USP30: variants seen among roughly 807,000 people sequenced by gnomAD.
USP30 encodes the protein ubiquitin carboxyl-terminal hydrolase 30.
A neutral mutation model predicts 68.2 loss-of-function variants in USP30; 41 were observed. The observed-to-expected ratio is 0.60, with a 90% CI of 0.47 to 0.78. The LOEUF (loss-of-function observed/expected upper bound fraction) is 0.78, where lower values mean the gene tolerates loss of function less well. Ranked by LOEUF, USP30 falls within the 30% of genes least tolerant of loss-of-function variation. The pLI is 0.00. For synonymous variants in USP30, 229 were observed against 253.7 expected (o/e 0.90, Z 0.93); for missense variants, 522 against 649.4 (o/e 0.80, Z 2.13).
At position 109,052,630 on chromosome 12, in the gene USP30, G is replaced by GCGGCGA. The variant is rs2135692080; in HGVS notation, c.-44_-43insACGGCG. On this transcript the variant is annotated 5_prime_UTR_variant, in exon 1 of 13. Coordinates refer to ENST00000257548, the MANE Select transcript of USP30 (RefSeq NM_032663.5). ...CGTCGTATCCCTCGGTCCGGCGGCG[G>GCGGCGA]CGGCGGCGGTAGCGGAGGAGACGGT... The GCGGCGA allele has an allele frequency of 6.9e-7, 1 of 1,449,782 alleles. No individual in the cohort carries two copies. Among genetic ancestry groups the GCGGCGA allele is most frequent in the Admixed American group, 2.7e-5 (1 of 37,134 alleles). The allele number at this position is 1,449,782 out of a possible 1,614,324, so 89.8% of individuals were successfully genotyped here. A position where few individuals can be genotyped will look rare whatever the true frequency, so the allele number is the denominator to read the frequency against.
chr12:109,057,840 C>T (rs2040922987), intron 2 of USP30, 86 bp from the exon 3 acceptor site: 6 of 1,425,704 alleles, frequency 4.2e-6, no homozygotes, highest in Non-Finnish European at 5.7e-6. Context: ...TTTAAGGCCA[C>T]AGCGCAGGAA....
chr12:109,028,630 A>C (rs1206653883), intron 3 of USP30, among the ~76,000 whole-genome samples: 1 of 152,138 alleles, frequency 6.6e-6, no homozygotes, highest in Non-Finnish European at 1.5e-5. Flanking sequence ...GGCGTGTGCC[A>C]ACACGCCTGG....
At chr12:109,075,327 A>G (rs77530307) in intron 7 of USP30, among the ~76,000 whole-genome samples, 381 of 152,164 alleles carry the variant, frequency 2.5e-3, no homozygotes, top group African/African-American at 8.8e-3. Flanking sequence ...CCTTCTCTCC[A>G]CACCCTCGGC....
intron 1 of USP30, among the ~76,000 whole-genome samples, chr12:109,055,709 A>T (rs1398773234): frequency 4.6e-5 from 7 of 150,908 alleles, no homozygotes; most frequent in Non-Finnish European, 1.5e-5. Flanking sequence ...AATAAATATT[A>T]TTGAGAACCT....
chr12:109,055,399 T>TAC (rs2040830410), intron 1 of USP30, among the ~76,000 whole-genome samples: 2 of 47,002 alleles, frequency 4.3e-5, no homozygotes, highest in Non-Finnish European at 8.5e-5. Flanking sequence ...TATATATATA[T>TAC]ATTTTTTTTT....
chr12:109,057,840 C>A, intron 2 of USP30, 86 bp from the exon 3 acceptor site: 1 of 1,425,704 alleles, frequency 7.0e-7, no homozygotes, highest in Non-Finnish European at 9.5e-7. Context: ...TTTAAGGCCA[C>A]AGCGCAGGAA....
intron 4 of USP30, among the ~76,000 whole-genome samples, chr12:109,068,529 T>C (rs975817735): frequency 1.3e-5 from 2 of 152,246 alleles, no homozygotes; most frequent in African/African-American, 2.4e-5. Context: ...TTAAAATGTA[T>C]CTCAGTTAAT....
Position 109,036,090 on chromosome 12 carries a change from G to C in USP30, c.-136+8534G>C, listed in dbSNP as rs142669866. On this transcript the variant is annotated intron_variant, in intron 3 of 15. Transcript: ENST00000392784. ...TGGGAGGATTGCTTGAGACCAAGAG[G>C]TTGAGGCTGAAGTGAGTCAGGGTTT... is the stretch of plus-strand genomic sequence containing the variant. 2.1e-3 allele frequency among the ~76,000 whole-genome samples: 316 copies of C among 152,290 alleles called. 2 individuals are homozygous for C. The highest frequency in any genetic ancestry group is 7.4e-3 in the African/African-American group (308 of 41,550).
chr12:109,052,243 T>C (rs1282560373), upstream of USP30: 1 of 155,112 alleles, frequency 6.4e-6, no homozygotes, highest in African/African-American at 2.4e-5. Flanking sequence ...CTGCGACCTA[T>C]TTCCACTCTG....
In USP30 at chr12:109,081,971, C is replaced by T; in HGVS notation, c.819C>T (p.Phe273=). The T allele has an allele frequency of 6.2e-7, 1 of 1,614,258 alleles. No individual in the cohort carries two copies. The highest frequency in any genetic ancestry group is 2.2e-5 in the East Asian group (1 of 44,884). ...PLTLDHCLHH[F]ISSESVRDVV... ...CCCTGGACCACTGCCTTCACCACTT[C>T]ATCTCATCAGAATCAGTGCGGGATG... The change falls in exon 9 of 13, where the codon TTC becomes TTT. Residue 273 remains phenylalanine, a synonymous_variant. Transcript: ENST00000257548.
intron 3 of USP30, among the ~76,000 whole-genome samples, chr12:109,030,547 C>A (rs1043976334): frequency 1.3e-5 from 2 of 152,192 alleles, no homozygotes; most frequent in African/African-American, 2.4e-5. Context: ...GGTAACGATA[C>A]TTGAAATTTC....
At chr12:109,036,192 T>A (rs1450098777) in intron 3 of USP30, among the ~76,000 whole-genome samples, 1 of 152,228 alleles carries the variant, frequency 6.6e-6, no homozygotes, top group East Asian at 1.9e-4. Flanking sequence ...CTTTCTTTTA[T>A]GTTTACCTAT....
Position 109,085,778 on chromosome 12 carries a change from C to T in USP30, c.1401C>T (p.Leu467=). ...CCCCACCTTCTGCCAGGAACCCTCT[C>T]TCAACTAGCAATCAGTGGCTGTGGG... The part of the protein sequence containing the change: ...RRSPPSARNP[L]STSNQWLWVS... Residue 467 remains leucine, a synonymous_variant, in exon 13 of 13, where the codon CTC becomes CTT. Coordinates refer to ENST00000257548, the MANE Select transcript of USP30 (RefSeq NM_032663.5). 6.2e-7 allele frequency: 1 copy of T among 1,614,250 alleles called. No homozygotes were observed. Among genetic ancestry groups the T allele is most frequent in the Non-Finnish European group, 8.5e-7 (1 of 1,180,048 alleles).
rs767625958 is a variant in USP30 at position 109,082,762 on chromosome 12, C to A, written c.948+19C>A. ...AGGGAAGGTGAGCCCACACTACACA[C>A]CCTGTTGGCTTTGTTTTGAGGACTC... On this transcript the variant is annotated intron_variant, in intron 10 of 12. Coordinates refer to ENST00000257548, the MANE Select transcript of USP30 (RefSeq NM_032663.5). 1.6e-5 allele frequency: 25 copies of A among 1,612,316 alleles called. No individual in the cohort carries two copies. The highest frequency in any genetic ancestry group is 2.1e-5 in the Non-Finnish European group (25 of 1,178,954).
chr12:109,029,499 C>G (rs2135654223), intron 3 of USP30, among the ~76,000 whole-genome samples: 1 of 152,236 alleles, frequency 6.6e-6, no homozygotes, highest in South Asian at 2.1e-4. Flanking sequence ...ATTTAGCTTC[C>G]CTATCTTAGT....
chr12:109,044,850 A>C (rs1431606452), intron 3 of USP30, among the ~76,000 whole-genome samples: 2 of 152,164 alleles, frequency 1.3e-5, no homozygotes, highest in East Asian at 3.9e-4. Context: ...GAGATACCCA[A>C]GTTTTCCTGT....
chr12:109,067,260 CCCA>C (rs1244500468), intron 3 of USP30, among the ~76,000 whole-genome samples: 2 of 148,930 alleles, frequency 1.3e-5, no homozygotes, highest in South Asian at 4.3e-4. Flanking sequence ...ACTACAGGCA[CCCA>C]CCACCACGCC....
chr12:109,047,375 C>G (rs2040614894), intron 3 of USP30, among the ~76,000 whole-genome samples: 1 of 152,070 alleles, frequency 6.6e-6, no homozygotes, highest in African/African-American at 2.4e-5. Flanking sequence ...AAAACAAGAG[C>G]TACAACAAAC....
At chr12:109,075,841 C>CTTTTTT (rs34221615) in intron 7 of USP30, among the ~76,000 whole-genome samples, 35 of 119,570 alleles carry the variant, frequency 2.9e-4, no homozygotes, top group African/African-American at 3.7e-4. Flanking sequence ...GTTACTTTTT[C>CTTTTTT]TTTTTTTTTT....
Sources: allele counts gnomAD v4.1 joint callset (sites outside exome capture counted in the v4.1 genomes callset), GRCh38; gene constraint gnomAD v4.1.1; transcripts MANE v1.5; gene names NCBI Gene and HGNC (gene_info 2026-07-23, HGNC 2026-07-21).